NALF1: variants seen among roughly 807,000 people sequenced by gnomAD.
NALF1 encodes the protein NALCN channel auxiliary factor 1, also known as family with sequence similarity 155 member A.
In NALF1, 3 loss-of-function variants were observed where a neutral mutation model predicts 48.4. The ratio of observed to expected loss-of-function variants is 0.06; its 90% CI spans 0.03 to 0.16. NALF1 has a LOEUF of 0.16. Among genes scored for constraint, NALF1 ranks in the 10% least tolerant of loss-of-function variants. NALF1 has a pLI of 1.00. For synonymous variants in NALF1, 262 were observed against 245.7 expected (o/e 1.07, Z -0.62); for missense variants, 526 against 571.5 (o/e 0.92, Z 0.81).
Position 107,462,338 on chromosome 13 carries a change from T to G in NALF1, c.916-251583A>C, listed in dbSNP as rs187212746. Among the ~76,000 whole-genome samples, 284 of 152,344 alleles carry G rather than the reference T, an allele frequency of 1.9e-3. 2 individuals are homozygous for G. The highest frequency in any genetic ancestry group is 0.01 in the Middle Eastern group (3 of 294). On this transcript the variant is annotated intron_variant, in intron 1 of 2. Transcript: ENST00000375915. ...AAAAATAAACTTGTGTCTGAATTAATGAAATAATCTAATTATCAACTAACA... is the reference window on the plus strand; with the variant it reads ...AAAAATAAACTTGTGTCTGAATTAAGGAAATAATCTAATTATCAACTAACA...
intron 1 of NALF1, among the ~76,000 whole-genome samples, chr13:107,370,642 A>AAAC (rs5806649): frequency 0.58 from 88,368 of 151,782 alleles, 26,141 homozygotes; most frequent in East Asian, 0.73. Context: ...CTGCTTCTTT[A>AAAC]AAAAGAGTCA....
intron 1 of NALF1, among the ~76,000 whole-genome samples, chr13:107,798,384 A>G (rs759272586): frequency 3.3e-5 from 5 of 152,206 alleles, no homozygotes; most frequent in South Asian, 2.1e-4. Context: ...TATAAAATTA[A>G]TAACAAAAAT....
chr13:107,480,404 G>A (rs1885237036), intron 1 of NALF1, among the ~76,000 whole-genome samples: 1 of 152,142 alleles, frequency 6.6e-6, no homozygotes, highest in African/African-American at 2.4e-5. Context: ...TAGCATATCT[G>A]CCTTGGAATA....
At chr13:107,325,868 A>ATATATG (rs1270425443) in intron 1 of NALF1, among the ~76,000 whole-genome samples, 2 of 90,986 alleles carry the variant, frequency 2.2e-5, no homozygotes, top group Non-Finnish European at 4.9e-5. Flanking sequence ...ATATATATAT[A>ATATATG]TATATATATA....
At chr13:107,252,052 G>A (rs1220333066) in intron 1 of NALF1, among the ~76,000 whole-genome samples, 3 of 152,140 alleles carry the variant, frequency 2.0e-5, no homozygotes, top group Non-Finnish European at 4.4e-5. Flanking sequence ...AGTGGGAGAG[G>A]GCAGGAGGCC....
intron 1 of NALF1, among the ~76,000 whole-genome samples, chr13:107,836,277 C>T (rs1879886599): frequency 6.6e-6 from 1 of 152,132 alleles, no homozygotes; most frequent in Non-Finnish European, 1.5e-5. Flanking sequence ...AGGTATGAGC[C>T]ACCATGCCTG....
intron 1 of NALF1, among the ~76,000 whole-genome samples, chr13:107,857,864 G>A (rs890767758): frequency 3.9e-5 from 6 of 152,114 alleles, no homozygotes; most frequent in South Asian, 2.1e-4. Flanking sequence ...GATGTTTCCC[G>A]TGGGTTTTAA....
chr13:107,428,712 C>T (rs1884323979), intron 1 of NALF1, among the ~76,000 whole-genome samples: 1 of 152,166 alleles, frequency 6.6e-6, no homozygotes, highest in Admixed American at 6.5e-5. Flanking sequence ...ACCTCTAGCT[C>T]CTCTAACTTC....
At chr13:107,793,885 TTGTC>T (rs1878326905) in intron 1 of NALF1, among the ~76,000 whole-genome samples, 1 of 152,050 alleles carries the variant, frequency 6.6e-6, no homozygotes, top group Admixed American at 6.5e-5. Context: ...TTGCTTGAAA[TTGTC>T]TGAAGAATAA....
chr13:107,548,324 A>T (rs1361549044), intron 1 of NALF1, among the ~76,000 whole-genome samples: 1 of 152,136 alleles, frequency 6.6e-6, no homozygotes, highest in African/African-American at 2.4e-5. Flanking sequence ...ATGGCTGCGC[A>T]GTATTCCATG....
chr13:107,692,467 T>C (rs1881589297), intron 1 of NALF1, among the ~76,000 whole-genome samples: 1 of 152,218 alleles, frequency 6.6e-6, no homozygotes, highest in Non-Finnish European at 1.5e-5. Flanking sequence ...TCAATTTTCT[T>C]GAGAAATCAA....
At chr13:107,646,262 T>A (rs1880311601) in intron 1 of NALF1, among the ~76,000 whole-genome samples, 1 of 149,920 alleles carries the variant, frequency 6.7e-6, no homozygotes, top group South Asian at 2.1e-4. Context: ...CTCTTTCACA[T>A]ACACTCCCTG....
At chr13:107,861,146 A>G (rs1161598295) in intron 1 of NALF1, among the ~76,000 whole-genome samples, 1 of 152,244 alleles carries the variant, frequency 6.6e-6, no homozygotes, top group African/African-American at 2.4e-5. Context: ...AAGAAGATAA[A>G]AAACATAAAC....
intron 1 of NALF1, among the ~76,000 whole-genome samples, chr13:107,658,969 C>T (rs1285741885): frequency 2.0e-5 from 3 of 152,038 alleles, no homozygotes; most frequent in Non-Finnish European, 4.4e-5. Context: ...CCACCTGCTC[C>T]ATAAAGCTCC....
At chr13:107,782,876 G>A (rs1209996866) in intron 1 of NALF1, among the ~76,000 whole-genome samples, 2 of 151,786 alleles carry the variant, frequency 1.3e-5, no homozygotes, top group East Asian at 4.0e-4. Context: ...CGTCTGGGAA[G>A]TGAGGAGCGT....
At chr13:107,278,701 A>C (rs939717652) in intron 1 of NALF1, among the ~76,000 whole-genome samples, 4 of 152,248 alleles carry the variant, frequency 2.6e-5, no homozygotes, top group Non-Finnish European at 5.9e-5. Flanking sequence ...TTTTTTTAAA[A>C]ATCTGATGAT....
intron 1 of NALF1, among the ~76,000 whole-genome samples, chr13:107,354,304 T>A (rs1198109926): frequency 1.3e-5 from 2 of 150,934 alleles, no homozygotes; most frequent in South Asian, 4.2e-4. Context: ...ATGTGAGAGG[T>A]GGTATTGGGG....
intron 1 of NALF1, among the ~76,000 whole-genome samples, chr13:107,513,431 T>C (rs887656850): frequency 6.6e-6 from 1 of 152,196 alleles, no homozygotes; most frequent in Admixed American, 6.5e-5. Flanking sequence ...TCTTCCATAT[T>C]TCCTTGCCTC....
rs575995393 is a variant in NALF1, at chr13:107,242,199, T to C, written c.916-31444A>G. 1.3e-3 allele frequency among the ~76,000 whole-genome samples: 197 copies of C among 152,308 alleles called. 1 individual carries two copies. Among genetic ancestry groups the C allele is most frequent in the African/African-American group, 4.5e-3 (186 of 41,560 alleles). On this transcript the variant is annotated intron_variant, in intron 1 of 2. Coordinates refer to ENST00000375915, the MANE Select transcript of NALF1 (RefSeq NM_001080396.3). Reference sequence around the variant, plus strand: ...TTCAAAGAGGGTCTTCGACAATCCTTGATCAAAGACCTTGCGGTTCTAAGC... The same window carrying C: ...TTCAAAGAGGGTCTTCGACAATCCTCGATCAAAGACCTTGCGGTTCTAAGC...
Sources: allele counts gnomAD v4.1 joint callset (sites outside exome capture counted in the v4.1 genomes callset), GRCh38; gene constraint gnomAD v4.1.1; transcripts MANE v1.5; gene names NCBI Gene and HGNC (gene_info 2026-07-23, HGNC 2026-07-21).